DZIP3: variants seen among roughly 807,000 people sequenced by gnomAD.
The protein encoded by DZIP3 is E3 ubiquitin-protein ligase DZIP3.
In DZIP3, 118 loss-of-function variants were observed where a neutral mutation model predicts 162.0. That is an observed-to-expected ratio of 0.73 (90% confidence interval 0.63 to 0.85). The LOEUF (loss-of-function observed/expected upper bound fraction) is 0.85, where lower values mean the gene tolerates loss of function less well. DZIP3 is among the 40% of genes least tolerant of loss of function. The pLI, the probability that DZIP3 is intolerant of heterozygous loss-of-function variation, is 0.00. For missense variants in DZIP3, 1,331 were observed against 1,407.0 expected (o/e 0.95, Z 0.86); for synonymous variants, 438 against 458.6 (o/e 0.96, Z 0.57).
chr3:108,647,132 T>C (rs1183963239), intron 15 of DZIP3, among the ~76,000 whole-genome samples: 2 of 152,216 alleles, frequency 1.3e-5, no homozygotes, highest in African/African-American at 4.8e-5. Context: ...GCTTAGTGCA[T>C]GTGCTTCAGG....
intron 14 of DZIP3, among the ~76,000 whole-genome samples, chr3:108,646,342 C>T (rs572764118): frequency 6.6e-5 from 10 of 152,248 alleles, no homozygotes; most frequent in African/African-American, 1.9e-4. Context: ...CATAAATATT[C>T]GTTGCTTGGT....
Position 108,642,475 on chromosome 3 carries a change from G to A in DZIP3, c.1102G>A (p.Asp368Asn), listed in dbSNP as rs374960086. 58 of 1,485,956 alleles carry A rather than the reference G, an allele frequency of 3.9e-5. No individual in the cohort carries two copies. In the African/African-American group the frequency reaches 7.8e-4, roughly 20 times the overall value. The allele number at this position is 1,485,956 out of a possible 1,614,324, so 92.0% of individuals were successfully genotyped here. A position where few individuals can be genotyped will look rare whatever the true frequency, so the allele number is the denominator to read the frequency against. ...KLISLKITDT[D>N]IRPKISLKFN... Reference sequence around the variant, plus strand: ...GATATCTCTGAAAATAACTGATACTGATATAAGACCGAAGATCAGTTTAAA... The same window carrying A: ...GATATCTCTGAAAATAACTGATACTAATATAAGACCGAAGATCAGTTTAAA... Residue 368 changes from aspartate (D) to asparagine (N), a missense_variant, in exon 13 of 33, where the codon GAT (aspartate) becomes AAT (asparagine). Asp to Asn is a conservative substitution (Grantham distance 23). Around this residue, in one of 2 missense-constraint regions of DZIP3, gnomAD observed 1,278 missense variants for 1,317.1 expected, o/e 0.97. Coordinates refer to ENST00000361582, the MANE Select transcript of DZIP3 (RefSeq NM_014648.4).
intron 1 of DZIP3, among the ~76,000 whole-genome samples, chr3:108,595,448 C>A (rs28521539): frequency 0.21 from 31,825 of 152,060 alleles, 3,834 homozygotes; most frequent in East Asian, 0.45. Flanking sequence ...AATCTGCTGG[C>A]CTCAAGCAAT....
At chr3:108,642,972 G>A (rs1296735227) in intron 13 of DZIP3, among the ~76,000 whole-genome samples, 1 of 152,160 alleles carries the variant, frequency 6.6e-6, no homozygotes, top group Admixed American at 6.6e-5. Context: ...AGAACCTGGA[G>A]GCCTTAATTA....
rs940388389 is a variant in DZIP3 at position 108,654,171 on chromosome 3, A to G, written c.2060A>G (p.Gln687Arg). ...CCATATGTGGTAGAAAAGGAAGAGC[A>G]GTTGAGGAAAGAACAAGCAAATCCA... ...QVPYVVEKEEQLRKEQANPHS... is the reference protein window; with the variant it reads ...QVPYVVEKEERLRKEQANPHS... Residue 687 changes from glutamine to arginine, a missense_variant, in exon 19 of 33, where the codon CAG becomes CGG. This residue lies in a region of DZIP3 where 1,278 missense variants were observed against 1,317.1 expected (regional missense o/e 0.97). Coordinates refer to ENST00000361582, the MANE Select transcript of DZIP3 (RefSeq NM_014648.4). 2 of 1,613,560 alleles carry G rather than the reference A, an allele frequency of 1.2e-6. No individual in the cohort carries two copies. Among genetic ancestry groups the G allele is most frequent in the South Asian group, 1.1e-5 (1 of 91,070 alleles).
intron 12 of DZIP3, among the ~76,000 whole-genome samples, chr3:108,638,613 G>A (rs983796206): frequency 6.6e-5 from 10 of 152,182 alleles, no homozygotes; most frequent in South Asian, 2.1e-4. Flanking sequence ...CACTGTGCCC[G>A]GCCAATTTAG....
chr3:108,659,135 T>C (rs1283936834), intron 19 of DZIP3, among the ~76,000 whole-genome samples: 5 of 152,094 alleles, frequency 3.3e-5, no homozygotes, highest in Admixed American at 6.6e-5. Flanking sequence ...CTCCCTAACT[T>C]GTTTTATGAG....
intron 1 of DZIP3, among the ~76,000 whole-genome samples, chr3:108,595,687 T>C (rs1420324532): frequency 2.6e-5 from 4 of 152,138 alleles, no homozygotes; most frequent in African/African-American, 9.7e-5. Context: ...AAAGAACATA[T>C]TGTCTTCTAT....
rs1419701408 is a variant in DZIP3, at chr3:108,644,291, A to AG, written c.1270dup (p.Glu424GlyfsTer33). 3.7e-6 allele frequency: 6 copies of AG among 1,613,908 alleles called. No homozygotes were observed. The highest frequency in any genetic ancestry group is 3.4e-6 in the Non-Finnish European group (4 of 1,179,964). On this transcript the variant is annotated frameshift_variant, in exon 14 of 33. Transcript: ENST00000361582. LOFTEE classifies it high-confidence loss of function. ...CTATGCCACCTCCTCTTTTGAAAAA[A>AG]GAGCTTCTTATACACAAGAATGTGC...
chr3:108,636,438 A>G (rs1225988979), intron 10 of DZIP3, among the ~76,000 whole-genome samples, 178 bp from the exon 11 acceptor site: 1 of 152,004 alleles, frequency 6.6e-6, no homozygotes, highest in African/African-American at 2.4e-5. Context: ...TACATTTTAA[A>G]TAGGATATCC....
At chr3:108,677,830 A>G in intron 26 of DZIP3, among the ~76,000 whole-genome samples, 1 of 151,988 alleles carries the variant, frequency 6.6e-6, no homozygotes, top group Middle Eastern at 3.2e-3. Context: ...CATTTGATAT[A>G]CATAGAGTAA....
At chr3:108,689,628 A>G (rs1014229413) in intron 31 of DZIP3, among the ~76,000 whole-genome samples, 1 of 152,186 alleles carries the variant, frequency 6.6e-6, no homozygotes, top group African/African-American at 2.4e-5. Flanking sequence ...TGGTGCTTGC[A>G]GTGAGCCGAG....
intron 19 of DZIP3, among the ~76,000 whole-genome samples, chr3:108,659,081 C>G (rs1046567767): frequency 5.9e-5 from 9 of 152,198 alleles, no homozygotes; most frequent in African/African-American, 2.2e-4. Flanking sequence ...GAGCTGGTAC[C>G]ATTCCTTCCG....
intron 1 of DZIP3, among the ~76,000 whole-genome samples, chr3:108,593,079 A>C (rs551111283): frequency 2.0e-5 from 3 of 152,244 alleles, no homozygotes; most frequent in Non-Finnish European, 4.4e-5. Flanking sequence ...TTCATTCTAA[A>C]AAATGTCTGC....
chr3:108,626,572 A>G (rs1020801054), intron 7 of DZIP3, among the ~76,000 whole-genome samples: 1 of 152,216 alleles, frequency 6.6e-6, no homozygotes, highest in Non-Finnish European at 1.5e-5. Context: ...TTTACTTCCT[A>G]TATGGAGATC....
At chr3:108,656,271 G>T (rs758269717) in intron 19 of DZIP3, among the ~76,000 whole-genome samples, 1 of 152,088 alleles carries the variant, frequency 6.6e-6, no homozygotes, top group South Asian at 2.1e-4. Flanking sequence ...CACCTCACAC[G>T]GCTGGGTACC....
Position 108,662,228 on chromosome 3 carries a change from A to G in DZIP3, c.2394A>G (p.Gln798=), listed in dbSNP as rs200775918. 188 of 1,597,464 alleles carry G rather than the reference A, an allele frequency of 1.2e-4. No homozygotes were observed. The highest frequency in any genetic ancestry group is 1.6e-4 in the Non-Finnish European group (184 of 1,175,856). ...AAATTATCGCATCTCTTAATCAACA[A>G]GTTGCTTTTGGAATCAATAAGGTTT... The part of the protein sequence containing the change: ...KDKIIASLNQ[Q]VAFGINKVSK... Residue 798 remains glutamine, a synonymous_variant, in exon 21 of 33, where the codon CAA becomes CAG. Transcript: ENST00000361582.
intron 19 of DZIP3, among the ~76,000 whole-genome samples, chr3:108,658,797 G>C (rs936378852): frequency 3.3e-5 from 5 of 152,120 alleles, no homozygotes; most frequent in Non-Finnish European, 7.4e-5. Flanking sequence ...AATAAAAAAT[G>C]ATAAAGGGGA....
chr3:108,611,973 A>AC (rs1043807842), intron 4 of DZIP3, among the ~76,000 whole-genome samples: 1 of 151,308 alleles, frequency 6.6e-6, no homozygotes, highest in African/African-American at 2.4e-5. Context: ...CAAAAAAAAA[A>AC]AAAGTTGACA....
Sources: allele counts gnomAD v4.1 joint callset (sites outside exome capture counted in the v4.1 genomes callset), GRCh38; gene constraint gnomAD v4.1.1; regional missense constraint gnomAD v4.1.1; transcripts MANE v1.5; gene names NCBI Gene and HGNC (gene_info 2026-07-23, HGNC 2026-07-21).